ITIH4: variants seen among roughly 807,000 people sequenced by gnomAD.
The protein encoded by ITIH4 is inter-alpha-trypsin inhibitor heavy chain H4.
ITIH4 carries 79 observed loss-of-function variants against 111.8 expected under a neutral mutation model. The observed-to-expected ratio is 0.71, with a 90% CI of 0.59 to 0.85. The LOEUF (loss-of-function observed/expected upper bound fraction) is 0.85. Among genes scored for constraint, ITIH4 ranks in the 40% least tolerant of loss-of-function variants. The pLI, the probability that ITIH4 is intolerant of heterozygous loss-of-function variation, is 0.00. For synonymous variants in ITIH4, 472 were observed against 468.3 expected, an observed-to-expected ratio of 1.01 and a Z score of -0.10; for missense variants, 1,065 against 1,195.8, an observed-to-expected ratio of 0.89 and a Z score of 1.61.
At chr3:52,819,349 A>T (rs1700331810) in intron 17 of ITIH4, 44 bp downstream of exon 17, 1 of 1,612,036 alleles carries the variant, frequency 6.2e-7, no homozygotes, top group African/African-American at 1.3e-5. Context: ...CTCAAGGACC[A>T]CCGTGGGAAA....
chr3:52,819,834 C>T (rs367854774), intron 15 of ITIH4, 42 bp from the exon 16 acceptor site: 325 of 1,612,076 alleles, frequency 2.0e-4, no homozygotes, highest in Non-Finnish European at 2.5e-4. Context: ...GAACTGAGGC[C>T]CGAGGGCTGT....
intron 6 of ITIH4, 162 bp from the exon 7 acceptor site, chr3:52,825,120 C>T: frequency 2.2e-6 from 1 of 463,052 alleles, no homozygotes. Context: ...AGGGCTCAGA[C>T]CAGCCCCTTT....
chr3:52,815,628 T>C (rs1700268659), intron 21 of ITIH4, among the ~76,000 whole-genome samples: 1 of 152,242 alleles, frequency 6.6e-6, no homozygotes, highest in Non-Finnish European at 1.5e-5. Context: ...TATTTCATTT[T>C]CTAGGCATAA....
Position 52,813,381 on chromosome 3 carries a change from A to G in ITIH4, c.*40T>C, listed in dbSNP as rs1700223413. ...AAGCGGCCCTGCAGTTGCAGGGGGA[A>G]GCCAAGTGTACAGGGTGGGCACAGC... On this transcript the variant is annotated 3_prime_UTR_variant, in exon 24 of 24. Transcript: ENST00000266041. 3.2e-6 allele frequency: 5 copies of G among 1,586,650 alleles called. No individual in the cohort carries two copies. The highest frequency in any genetic ancestry group is 4.3e-6 in the Non-Finnish European group (5 of 1,155,188).
At chr3:52,820,519 G>GA in intron 13 of ITIH4, 112 bp downstream of exon 13, 20 of 1,330,374 alleles carry the variant, frequency 1.5e-5, no homozygotes, top group Non-Finnish European at 2.1e-5. Context: ...CTCCCAGGGG[G>GA]AGTCTGTTGG....
At chr3:52,826,474 G>A (rs977553979) in intron 5 of ITIH4, 67 bp downstream of exon 5, 116 of 1,183,034 alleles carry the variant, frequency 9.8e-5, no homozygotes, top group Admixed American at 2.4e-4. Context: ...CCAGAAATCC[G>A]GGCTCATAGG....
rs954413947 is a variant in ITIH4, at chr3:52,818,157, C to A, written c.2191G>T (p.Ala731Ser). The A allele has an allele frequency of 1.2e-6, 2 of 1,611,834 alleles. No individual in the cohort carries two copies. Among genetic ancestry groups the A allele is most frequent in the Non-Finnish European group, 1.7e-6 (2 of 1,178,786 alleles). The change falls in exon 20 of 24, where the codon GCT (alanine) becomes TCT (serine). Residue 731 changes from alanine to serine, a missense_variant. Physicochemically the swap from Ala to Ser is moderately conservative, Grantham distance 99 (BLOSUM62 1). Transcript: ENST00000266041. ...MTTQTPAPIQ[A>S]PSAILPLPGQ... ...GGCAGTGGCAGGATGGCAGAGGGAGCCTGTATGGGGGCTGGGACAGCCGGG... is the reference window on the plus strand; with the variant it reads ...GGCAGTGGCAGGATGGCAGAGGGAGACTGTATGGGGGCTGGGACAGCCGGG...
In ITIH4 at chr3:52,824,014, G is replaced by C; in HGVS notation, c.1172-10C>G. The C allele has an allele frequency of 6.4e-7, 1 of 1,550,428 alleles. No individual in the cohort carries two copies. Among genetic ancestry groups the C allele is most frequent in the East Asian group, 2.3e-5 (1 of 44,350 alleles). ...CTGGGGTTAGTCTCCCCTGGACCCA[G>C]GGGTTTGGGATGAGGGTGAGAAAAT... On this transcript the variant is annotated splice_polypyrimidine_tract_variant and intron_variant, in intron 9 of 23. Coordinates refer to ENST00000266041, the MANE Select transcript of ITIH4 (RefSeq NM_002218.5). This position sits in a 1 kb window ranked among gnomAD's most constrained non-coding sequence, Gnocchi z 4.3.
rs747029090 is a variant in ITIH4, at chr3:52,820,330, A to AAG, written c.1835-15_1835-14dup. On this transcript the variant is annotated splice_polypyrimidine_tract_variant and intron_variant, in intron 13 of 23. Coordinates refer to ENST00000266041, the MANE Select transcript of ITIH4 (RefSeq NM_002218.5). Reference sequence around the variant, plus strand: ...CTGTTTCTACTTTCTGGATAAAACAAAGAGAGAGAGAGAGACAGACAGACA... The same window carrying AAG: ...CTGTTTCTACTTTCTGGATAAAACAAAGAGAGAGAGAGAGAGACAGACAGACA... 3.1e-5 allele frequency: 50 copies of AAG among 1,607,056 alleles called. No homozygotes were observed. The highest frequency in any genetic ancestry group is 1.7e-4 in the Middle Eastern group (1 of 6,038).
intron 11 of ITIH4, among the ~76,000 whole-genome samples, chr3:52,821,382 C>G (rs1055630159): frequency 1.3e-5 from 2 of 152,132 alleles, no homozygotes; most frequent in Admixed American, 6.5e-5. Context: ...GGCACAGCGC[C>G]AGGACTCAGA....
In ITIH4 at chr3:52,813,206, G is replaced by C. The variant is rs1700221237; in HGVS notation, c.*215C>G. 3 of 563,516 alleles carry C rather than the reference G, an allele frequency of 5.3e-6. No individual in the cohort carries two copies. In the South Asian group the frequency reaches 6.9e-5, roughly 13 times the overall value. 34.9% of individuals were successfully genotyped at this position (563,516 alleles called of 1,614,324 possible). On this transcript the variant is annotated 3_prime_UTR_variant, in exon 24 of 24. Coordinates refer to ENST00000266041, the MANE Select transcript of ITIH4 (RefSeq NM_002218.5). ...TTGAGAGCTGACAGTGGAAGCTTCT[G>C]TGTTCCACGATGCTAAGGTTCAGGA... is the stretch of plus-strand genomic sequence containing the variant.
At chr3:52,817,952 C>T (rs1213215286) in intron 20 of ITIH4, 100 bp downstream of exon 20, 2 of 892,524 alleles carry the variant, frequency 2.2e-6, no homozygotes, top group Non-Finnish European at 3.8e-6. Context: ...CTGGGAGGGG[C>T]CTGTGTGGGG....
chr3:52,813,340 G>T lies in ITIH4; in HGVS notation c.*81C>A. 8.3e-7 allele frequency: 1 copy of T among 1,209,938 alleles called. No homozygotes were observed. Among genetic ancestry groups the T allele is most frequent in the Non-Finnish European group, 1.2e-6 (1 of 812,592 alleles). The allele number at this position is 1,209,938 out of a possible 1,614,324, so 75.0% of individuals were successfully genotyped here. The stretch of plus-strand genomic sequence containing the variant: ...ATGAGTGGGACTCTTCCTCCCCATG[G>T]TGGTCCAGGCCCCAGAAGCGGCCCT... On this transcript the variant is annotated 3_prime_UTR_variant, in exon 24 of 24. Transcript: ENST00000266041.
intron 5 of ITIH4, 25 bp from the exon 6 acceptor site, chr3:52,826,039 T>G (rs1700475078): frequency 6.2e-7 from 1 of 1,613,244 alleles, no homozygotes; most frequent in Non-Finnish European, 8.5e-7. Context: ...CGGGCTGAAG[T>G]TGGGAGGAAC....
chr3:52,813,999 T>G lies in ITIH4; in HGVS notation c.2699A>C (p.Gln900Pro), dbSNP rs1234731547. 1 of 1,613,232 alleles carries G rather than the reference T, an allele frequency of 6.2e-7. No homozygotes were observed. The highest frequency in any genetic ancestry group is 8.5e-7 in the Non-Finnish European group (1 of 1,179,866). ...CCTGGTGGCAGAGTGGTCATTGCCC[T>G]GAACCCTCAGCGTGCGTCTGCCGTC... is the stretch of plus-strand genomic sequence containing the variant. ...SDDGRRTLRV[Q>P]GNDHSATRER... is the part of the protein sequence containing the mutation. The change falls in exon 23 of 24, where the codon CAG (glutamine) becomes CCG (proline). Residue 900 changes from glutamine to proline, a missense_variant. Physicochemically the swap from Gln to Pro is moderately conservative, Grantham distance 76. Transcript: ENST00000266041.
chr3:52,824,134 AG>A lies in ITIH4; in HGVS notation c.1171+55del. 6.3e-7 allele frequency: 1 copy of A among 1,597,336 alleles called. No homozygotes were observed. Among genetic ancestry groups the A allele is most frequent in the Admixed American group, 1.7e-5 (1 of 59,576 alleles). ...CAGATCCCACAGCAAGCCCAGGTGC[AG>A]CCCCAGCCGCCTCCCCTGTGCAGCA... is the stretch of plus-strand genomic sequence containing the variant. On this transcript the variant is annotated intron_variant, in intron 9 of 23. Transcript: ENST00000266041. The surrounding 1 kb of genome is among the most constrained non-coding windows in gnomAD (Gnocchi z 4.3).
Position 52,819,928 on chromosome 3 carries a change from C to T in ITIH4, c.1912+12G>A. 6.2e-7 allele frequency: 1 copy of T among 1,613,510 alleles called. No homozygotes were observed. The highest frequency in any genetic ancestry group is 2.2e-5 in the East Asian group (1 of 44,876). Reference sequence around the variant, plus strand: ...TGTCAATCTCCCCTCCCCCCACCTCCTACTTTGTCACCTGGTTTTGGTATT... The same window carrying T: ...TGTCAATCTCCCCTCCCCCCACCTCTTACTTTGTCACCTGGTTTTGGTATT... On this transcript the variant is annotated intron_variant, in intron 15 of 23. Coordinates refer to ENST00000266041, the MANE Select transcript of ITIH4 (RefSeq NM_002218.5).
In ITIH4 at chr3:52,820,922, T is replaced by C. The variant is rs1048316039; in HGVS notation, c.1679+69A>G. On this transcript the variant is annotated intron_variant, in intron 12 of 23. Coordinates refer to ENST00000266041, the MANE Select transcript of ITIH4 (RefSeq NM_002218.5). ...GCCAAGACCCCCCTCTCTCCATGCT[T>C]AGGCGCTGTACCGTGCCACCTGTGC... is the stretch of plus-strand genomic sequence containing the variant. The C allele has an allele frequency of 3.2e-6, 5 of 1,573,452 alleles. No homozygotes were observed. The South Asian group carries it at 3.5e-5, about 11-fold the overall frequency.
In ITIH4 at chr3:52,818,499, A is replaced by G. The variant is rs1166513945; in HGVS notation, c.2115T>C (p.Asp705=). 6.2e-7 allele frequency: 1 copy of G among 1,606,308 alleles called. No homozygotes were observed. The highest frequency in any genetic ancestry group is 2.2e-5 in the East Asian group (1 of 44,546). ...TATTCATGACACGAGACACAGCTGG[A>G]TCAGGATTTGAGGTGGCTGGTGGTG... is the stretch of plus-strand genomic sequence containing the variant. The part of the protein sequence containing the change: ...ASAPPATSNP[D]PAVSRVMNMK... The change falls in exon 18 of 24, where the codon GAT becomes GAC. Residue 705 remains aspartate (D), a synonymous_variant. Coordinates refer to ENST00000266041, the MANE Select transcript of ITIH4 (RefSeq NM_002218.5).
Sources: allele counts gnomAD v4.1 joint callset (sites outside exome capture counted in the v4.1 genomes callset), GRCh38; gene constraint gnomAD v4.1.1; non-coding constraint Gnocchi (gnomAD v3.1); transcripts MANE v1.5; gene names NCBI Gene and HGNC (gene_info 2026-07-23, HGNC 2026-07-21).